The following EVI5 variants were observed in gnomAD, a reference collection of about 807,000 sequenced individuals.
EVI5 encodes the protein ecotropic viral integration site 5, also known as ecotropic viral integration site 5 protein homolog.
In EVI5, 73 loss-of-function variants were observed where a neutral mutation model predicts 112.0. The ratio of observed to expected loss-of-function variants is 0.65; its 90% CI spans 0.54 to 0.79. The LOEUF (loss-of-function observed/expected upper bound fraction) is 0.79, where lower values mean the gene tolerates loss of function less well. Ranked by LOEUF, EVI5 falls within the 30% of genes least tolerant of loss-of-function variation. The probability of loss-of-function intolerance (pLI) is 0.00; values close to 1 mark genes in which losing one functional copy is unlikely to be tolerated. For missense variants in EVI5, 900 were observed against 968.8 expected (o/e 0.93, Z 0.94); for synonymous variants, 305 against 319.9 (o/e 0.95, Z 0.50).
chr1:92,558,894 C>T (rs1008034900), intron 19 of EVI5, among the ~76,000 whole-genome samples: 3 of 150,574 alleles, frequency 2.0e-5, no homozygotes, highest in African/African-American at 7.3e-5. Context: ...ACAACACCAA[C>T]CAAAAAAACC....
Position 92,704,586 on chromosome 1 carries a change from T to A in EVI5, c.308A>T (p.Asp103Val). 1.9e-6 allele frequency: 3 copies of A among 1,586,132 alleles called. No individual in the cohort carries two copies. Among genetic ancestry groups the A allele is most frequent in the Non-Finnish European group, 2.6e-6 (3 of 1,167,680 alleles). Residue 103 changes from aspartate to valine, a missense_variant, in exon 3 of 20, where the codon GAT becomes GTT. Asp to Val is a radical substitution (Grantham distance 152). Coordinates refer to ENST00000684568, the MANE Select transcript of EVI5 (RefSeq NM_001350197.2). The stretch of plus-strand genomic sequence containing the variant: ...TTGCTTTTCCTTCTTTTTGCGTACA[T>A]CTTCCCATTCATTAACAATTCTTCC... ...LWGRIVNEWE[D>V]VRKKKEKQVK...
At chr1:92,531,102 T>A (rs528009454) in intron 19 of EVI5, among the ~76,000 whole-genome samples, 2 of 151,734 alleles carry the variant, frequency 1.3e-5, no homozygotes, top group African/African-American at 4.8e-5. Flanking sequence ...AATTACCTCA[T>A]GGAGCTGAAA....
intron 1 of EVI5, among the ~76,000 whole-genome samples, chr1:92,763,605 A>G (rs1682198070): frequency 6.6e-6 from 1 of 151,492 alleles, no homozygotes; most frequent in Non-Finnish European, 1.5e-5. Flanking sequence ...AAAGAACAAG[A>G]CTCTGTCTTT....
chr1:92,536,144 C>CT (rs1303989124), intron 19 of EVI5, among the ~76,000 whole-genome samples: 4 of 152,154 alleles, frequency 2.6e-5, no homozygotes, highest in African/African-American at 9.7e-5. Flanking sequence ...ACACTCAGCA[C>CT]AAGTTTAATA....
chr1:92,747,716 C>CAAAAAAAAAA lies in EVI5; in HGVS notation c.-81-11099_-81-11090dup, dbSNP rs3042578. ...GTGACAGAGCCAGACTCCATCTCAC[C>CAAAAAAAAAA]AAAAAAAAAAACAAAAAAAAAAACC... On this transcript the variant is annotated intron_variant, in intron 1 of 19. Transcript: ENST00000684568. 7.2e-5 allele frequency among the ~76,000 whole-genome samples: 6 copies of CAAAAAAAAAA among 83,546 alleles called. 2 individuals are homozygous for CAAAAAAAAAA. Among genetic ancestry groups the CAAAAAAAAAA allele is most frequent in the African/African-American group, 4.8e-5 (1 of 21,020 alleles). The allele number at this position is 83,546 out of a possible 152,430, so 54.8% of individuals were successfully genotyped here. A position where few individuals can be genotyped will look rare whatever the true frequency, so the allele number is the denominator to read the frequency against.
intron 19 of EVI5, among the ~76,000 whole-genome samples, chr1:92,533,601 A>C (rs1275559094): frequency 6.6e-6 from 1 of 152,192 alleles, no homozygotes; most frequent in African/African-American, 2.4e-5. Flanking sequence ...AGTCAGTTTC[A>C]TCCCAGGGAT....
chr1:92,666,917 C>G (rs1339215625), intron 10 of EVI5, among the ~76,000 whole-genome samples: 1 of 152,132 alleles, frequency 6.6e-6, no homozygotes, highest in Non-Finnish European at 1.5e-5. Flanking sequence ...CAGAGCCTAC[C>G]TATATAATTA....
At chr1:92,635,406 C>T (rs1658564810) in intron 14 of EVI5, among the ~76,000 whole-genome samples, 1 of 152,198 alleles carries the variant, frequency 6.6e-6, no homozygotes, top group Admixed American at 6.5e-5. Context: ...GCCTCGCTGC[C>T]GCCTTGCAGT....
intron 9 of EVI5, among the ~76,000 whole-genome samples, chr1:92,693,265 T>C (rs1191705810): frequency 1.3e-5 from 2 of 152,002 alleles, no homozygotes; most frequent in South Asian, 2.1e-4. Flanking sequence ...GACAGGGTAC[T>C]TCCTGTACTC....
intron 16 of EVI5, among the ~76,000 whole-genome samples, chr1:92,615,725 T>C (rs1199156546): frequency 6.6e-6 from 1 of 152,052 alleles, no homozygotes; most frequent in Non-Finnish European, 1.5e-5. Context: ...GGGAAGATAA[T>C]GTTGATTCTC....
chr1:92,554,811 C>A (rs1667444689), intron 19 of EVI5, among the ~76,000 whole-genome samples: 1 of 151,850 alleles, frequency 6.6e-6, no homozygotes, highest in South Asian at 2.1e-4. Flanking sequence ...TCTACAAAAA[C>A]AAAAACAAAA....
intron 1 of EVI5, among the ~76,000 whole-genome samples, chr1:92,753,882 T>C (rs1271728435): frequency 6.6e-6 from 1 of 152,168 alleles, no homozygotes; most frequent in Non-Finnish European, 1.5e-5. Flanking sequence ...AATCCTAAAC[T>C]GACAGGACTT....
chr1:92,738,923 A>G (rs925799512), intron 1 of EVI5, among the ~76,000 whole-genome samples: 2 of 152,242 alleles, frequency 1.3e-5, no homozygotes, highest in African/African-American at 4.8e-5. Context: ...GACAATGTAA[A>G]TATGTCACAA....
chr1:92,650,506 G>A (rs114233359), intron 13 of EVI5, among the ~76,000 whole-genome samples: 2,964 of 151,838 alleles, frequency 0.02, 118 homozygotes, highest in African/African-American at 0.067. Flanking sequence ...CATTGCTGGC[G>A]CATTCTTTTA....
intron 9 of EVI5, among the ~76,000 whole-genome samples, chr1:92,693,328 A>C (rs1316381034): frequency 6.6e-6 from 1 of 152,192 alleles, no homozygotes; most frequent in Non-Finnish European, 1.5e-5. Flanking sequence ...GGCTACAGTG[A>C]GCAGCCATAA....
At chr1:92,556,480 T>C (rs577347606) in intron 19 of EVI5, among the ~76,000 whole-genome samples, 5 of 152,202 alleles carry the variant, frequency 3.3e-5, no homozygotes, top group African/African-American at 4.8e-5. Context: ...AGATGACATA[T>C]AAAGAAACCA....
intron 19 of EVI5, among the ~76,000 whole-genome samples, chr1:92,516,411 T>G (rs1041848260): frequency 1.5e-4 from 23 of 152,192 alleles, no homozygotes; most frequent in African/African-American, 5.3e-4. Context: ...TTCCTCAACA[T>G]CAAAGGAATC....
intron 18 of EVI5, among the ~76,000 whole-genome samples, chr1:92,593,707 G>A (rs2101360410): frequency 6.6e-6 from 1 of 152,268 alleles, no homozygotes; most frequent in South Asian, 2.1e-4. Context: ...AAGCTGATAA[G>A]CAACTTCAGC....
intron 18 of EVI5, among the ~76,000 whole-genome samples, chr1:92,575,431 G>GT (rs575510281): frequency 2.6e-5 from 4 of 151,270 alleles, no homozygotes; most frequent in African/African-American, 4.9e-5. Flanking sequence ...ACTGAAGATA[G>GT]TTTTTTTTCA....
Sources: gnomAD v4.1 joint callset for allele counts (sites outside exome capture counted in the v4.1 genomes callset) on GRCh38, gnomAD v4.1.1 for gene constraint, MANE v1.5 for transcripts, NCBI Gene and HGNC (gene_info 2026-07-23, HGNC 2026-07-21) for gene names.